The following LARS2 variants were observed in gnomAD, a reference collection of about 807,000 sequenced individuals.
LARS2 encodes the protein leucine--tRNA ligase, mitochondrial.
A neutral mutation model predicts 116.6 loss-of-function variants in LARS2; 81 were observed. The observed-to-expected ratio is 0.69, with a 90% CI of 0.58 to 0.84. The LOEUF (loss-of-function observed/expected upper bound fraction) is 0.84. Ranked by LOEUF, LARS2 falls within the 40% of genes least tolerant of loss-of-function variation. LARS2 has a pLI of 0.00. For synonymous variants in LARS2, 396 were observed against 407.2 expected (o/e 0.97, Z 0.33); for missense variants, 968 against 1,114.5 (o/e 0.87, Z 1.87).
intron 8 of LARS2, among the ~76,000 whole-genome samples, chr3:45,469,414 C>T (rs561058467): frequency 2.6e-5 from 4 of 152,224 alleles, no homozygotes; most frequent in East Asian, 1.9e-4. Context: ...TGCACTATCT[C>T]GGCTCACTAG....
At chr3:45,443,421 T>C (rs1374862375) in intron 6 of LARS2, among the ~76,000 whole-genome samples, 1 of 152,244 alleles carries the variant, frequency 6.6e-6, no homozygotes, top group Non-Finnish European at 1.5e-5. Context: ...CAGAGGGCTC[T>C]ATGACTTTCA....
At chr3:45,458,013 T>C (rs530823328) in intron 7 of LARS2, among the ~76,000 whole-genome samples, 1 of 152,326 alleles carries the variant, frequency 6.6e-6, no homozygotes, top group East Asian at 1.9e-4. Flanking sequence ...GCTGGAAATG[T>C]GCTTTATCTT....
intron 20 of LARS2, among the ~76,000 whole-genome samples, chr3:45,541,355 G>T (rs1055924290): frequency 6.6e-6 from 1 of 152,094 alleles, no homozygotes; most frequent in African/African-American, 2.4e-5. Context: ...CCCTGCACGT[G>T]GTGAGGAGTG....
intron 6 of LARS2, among the ~76,000 whole-genome samples, chr3:45,424,802 T>C (rs1300675222): frequency 6.6e-6 from 1 of 152,208 alleles, no homozygotes; most frequent in Non-Finnish European, 1.5e-5. Context: ...AGGTCTTTCA[T>C]TGTGACAGTT....
chr3:45,543,583 C>G (rs1700830595), intron 21 of LARS2, among the ~76,000 whole-genome samples: 1 of 151,954 alleles, frequency 6.6e-6, no homozygotes, highest in African/African-American at 2.4e-5. Flanking sequence ...CCTGCCTCAG[C>G]CTCCCAAGTA....
chr3:45,469,117 T>A (rs554985602), intron 8 of LARS2, among the ~76,000 whole-genome samples: 1 of 152,308 alleles, frequency 6.6e-6, no homozygotes, highest in East Asian at 1.9e-4. Flanking sequence ...ATTTCCCTGC[T>A]GGGTTAACAG....
chr3:45,478,103 A>G (rs756988675), intron 10 of LARS2, among the ~76,000 whole-genome samples: 4 of 152,212 alleles, frequency 2.6e-5, no homozygotes, highest in South Asian at 2.1e-4. Flanking sequence ...TGCAATATGT[A>G]TTGAAATAGA....
At chr3:45,477,646 T>C (rs2125720857) in intron 10 of LARS2, among the ~76,000 whole-genome samples, 1 of 152,320 alleles carries the variant, frequency 6.6e-6, no homozygotes, top group East Asian at 1.9e-4. Flanking sequence ...CATTCTAAGT[T>C]AGAAATAAGT....
chr3:45,513,289 G>A (rs891389314), intron 16 of LARS2, 54 bp downstream of exon 16: 1 of 1,173,856 alleles, frequency 8.5e-7, no homozygotes, highest in Admixed American at 1.7e-5. Flanking sequence ...CCAAGGCCAG[G>A]CCTGAGAGCT....
intron 7 of LARS2, among the ~76,000 whole-genome samples, chr3:45,455,421 G>A (rs779836344): frequency 8.6e-5 from 13 of 152,002 alleles, no homozygotes; most frequent in Non-Finnish European, 1.5e-4. Flanking sequence ...TTGTGCATGG[G>A]TTGTCTGGAG....
chr3:45,524,023 C>A lies in LARS2; in HGVS notation c.2319C>A (p.His773Gln). ...LSQASQSVILHSPEFEDALCA... is the reference protein window; with the variant it reads ...LSQASQSVILQSPEFEDALCA... ...AAGCCTCTCAGAGCGTCATTCTCCA[C>A]AGCCCCGAGTTTGAGGATGCTTTGT... The change falls in exon 20 of 22, where the codon CAC becomes CAA. Residue 773 changes from histidine to glutamine, a missense_variant. By Grantham distance (24) the His-to-Gln change is conservative. Transcript: ENST00000645846. 1.2e-6 allele frequency: 2 copies of A among 1,614,022 alleles called. No individual in the cohort carries two copies. The highest frequency in any genetic ancestry group is 2.2e-5 in the South Asian group (2 of 91,080).
chr3:45,527,348 GGCGCGGTGGCTCAC>G (rs1261658787), intron 20 of LARS2, among the ~76,000 whole-genome samples: 1 of 152,146 alleles, frequency 6.6e-6, no homozygotes, highest in Non-Finnish European at 1.5e-5. Context: ...TATCTTGCCG[GGCGCGGTGGCTCAC>G]GCCTGTAATC....
intron 16 of LARS2, among the ~76,000 whole-genome samples, chr3:45,513,454 G>A (rs565938016): frequency 6.6e-6 from 1 of 152,304 alleles, no homozygotes; most frequent in African/African-American, 2.4e-5. Flanking sequence ...GCCCCCTTCA[G>A]CCAAAGTGCC....
intron 19 of LARS2, 150 bp from the exon 20 acceptor site, chr3:45,523,847 G>T (rs1357982392): frequency 1.0e-5 from 6 of 594,898 alleles, no homozygotes; most frequent in African/African-American, 9.3e-5. Context: ...CATTAAGTAG[G>T]GGAAGTTCAT....
chr3:45,415,214 T>TG (rs1048786819), intron 4 of LARS2, among the ~76,000 whole-genome samples: 7 of 152,192 alleles, frequency 4.6e-5, no homozygotes, highest in African/African-American at 1.7e-4. Context: ...AATAAGGGGT[T>TG]GGGGGGTAGA....
Position 45,547,903 on chromosome 3 carries a change from T to G in LARS2, c.*373T>G. ...CCAGGAAGCCTGCGGATCTGGGAAATGGCTCTGCCTTAGGCACTTCTCGGG... is the reference window on the plus strand; with the variant it reads ...CCAGGAAGCCTGCGGATCTGGGAAAGGGCTCTGCCTTAGGCACTTCTCGGG... On this transcript the variant is annotated 3_prime_UTR_variant, in exon 22 of 22. Transcript: ENST00000645846. 1 of 173,656 alleles carries G rather than the reference T, an allele frequency of 5.8e-6. No homozygotes were observed. Among genetic ancestry groups the G allele is most frequent in the Non-Finnish European group, 1.2e-5 (1 of 82,796 alleles). The allele number at this position is 173,656 out of a possible 1,614,324, so 10.8% of individuals were successfully genotyped here.
At position 45,430,493 on chromosome 3, in the gene LARS2, G is replaced by A. The variant is rs183838460; in HGVS notation, c.516+10764G>A. 6.2e-3 allele frequency among the ~76,000 whole-genome samples: 918 copies of A among 148,378 alleles called. 9 individuals are homozygous for A. Among genetic ancestry groups the A allele is most frequent in the African/African-American group, 0.022 (886 of 39,998 alleles). Reference sequence around the variant, plus strand: ...GACGGGGTTTCACCGTGTTAGCCAGGATGGTTTTGATCTCCTGACCTCGTG... The same window carrying A: ...GACGGGGTTTCACCGTGTTAGCCAGAATGGTTTTGATCTCCTGACCTCGTG... On this transcript the variant is annotated intron_variant, in intron 6 of 21. Coordinates refer to ENST00000645846, the MANE Select transcript of LARS2 (RefSeq NM_015340.4).
chr3:45,481,314 A>C lies in LARS2; in HGVS notation c.1019-4378A>C, dbSNP rs562947909. On this transcript the variant is annotated intron_variant, in intron 10 of 21. Transcript: ENST00000645846. ...TACTTTTTTACTATAGTTATAAATA[A>C]TACTTCTATGAACATTAATAAAGAT... 5.3e-5 allele frequency among the ~76,000 whole-genome samples: 8 copies of C among 152,342 alleles called. No homozygotes were observed. The East Asian group carries it at 1.5e-3, about 29-fold the overall frequency.
chr3:45,433,393 G>A (rs892911443), intron 6 of LARS2, among the ~76,000 whole-genome samples: 6 of 151,960 alleles, frequency 3.9e-5, no homozygotes, highest in African/African-American at 1.4e-4. Flanking sequence ...TATCTATAGT[G>A]TGTTTTAGTA....
Sources: allele counts gnomAD v4.1 joint callset (sites outside exome capture counted in the v4.1 genomes callset), GRCh38; gene constraint gnomAD v4.1.1; transcripts MANE v1.5; gene names NCBI Gene and HGNC (gene_info 2026-07-23, HGNC 2026-07-21).